ROBO1: variants seen among roughly 807,000 people sequenced by gnomAD.
ROBO1 encodes the protein roundabout homolog 1.
Under a neutral mutation model 195.9 loss-of-function variants are expected in ROBO1, and 149 were observed. The observed-to-expected ratio is 0.76, with a 90% CI of 0.67 to 0.87. The LOEUF is 0.87. Ranked by LOEUF, ROBO1 falls within the 40% of genes least tolerant of loss-of-function variation. ROBO1 has a pLI of 0.00. For synonymous variants in ROBO1, 816 were observed against 733.2 expected, an observed-to-expected ratio of 1.11 and a Z score of -1.82; for missense variants, 1,933 against 2,068.3, an observed-to-expected ratio of 0.93 and a Z score of 1.27.
intron 2 of ROBO1, among the ~76,000 whole-genome samples, chr3:79,128,080 T>A (rs549573998): frequency 6.1e-4 from 93 of 152,286 alleles, no homozygotes; most frequent in Non-Finnish European, 1.0e-3. Context: ...GAGGACTAAT[T>A]TAAGACCAGT....
chr3:78,655,479 A>T (rs932411385), intron 18 of ROBO1, among the ~76,000 whole-genome samples: 1 of 152,162 alleles, frequency 6.6e-6, no homozygotes. Context: ...CATGATAAAG[A>T]GGCTAACCCA....
chr3:79,236,055 C>G (rs2082401328), intron 2 of ROBO1, among the ~76,000 whole-genome samples: 1 of 151,974 alleles, frequency 6.6e-6, no homozygotes, highest in African/African-American at 2.4e-5. Context: ...TTTTTAGACT[C>G]TTTGGTCATT....
chr3:78,917,165 C>A (rs1353777129), intron 4 of ROBO1, among the ~76,000 whole-genome samples: 1 of 134,678 alleles, frequency 7.4e-6, no homozygotes, highest in Non-Finnish European at 1.5e-5. Context: ...GGCACAATCT[C>A]GGCTCATTGC....
intron 4 of ROBO1, 94 bp downstream of exon 4, chr3:78,938,507 T>G: frequency 3.8e-5 from 40 of 1,053,638 alleles, no homozygotes; most frequent in Middle Eastern, 2.4e-4. Flanking sequence ...AGGTAAGGCC[T>G]GAGATACAAA....
At chr3:79,336,373 A>T (rs2034666337) in intron 2 of ROBO1, among the ~76,000 whole-genome samples, 1 of 152,190 alleles carries the variant, frequency 6.6e-6, no homozygotes. Flanking sequence ...TACATGGTGC[A>T]CTGCATCCCA....
At chr3:78,728,270 T>C (rs2082209695) in intron 5 of ROBO1, among the ~76,000 whole-genome samples, 1 of 152,272 alleles carries the variant, frequency 6.6e-6, no homozygotes, top group East Asian at 1.9e-4. Flanking sequence ...TCGAGTCTCT[T>C]GATTAGATAT....
chr3:79,562,433 C>T (rs553053500), intron 2 of ROBO1, among the ~76,000 whole-genome samples: 1 of 151,982 alleles, frequency 6.6e-6, no homozygotes, highest in African/African-American at 2.4e-5. Flanking sequence ...AAATGCTCAT[C>T]ATCACTGGTC....
rs979205869 is a variant in ROBO1, at chr3:79,618,011, C to A, written c.-50-28050G>T. 4.7e-5 allele frequency among the ~76,000 whole-genome samples: 7 copies of A among 150,378 alleles called. No individual in the cohort carries two copies. The East Asian group carries it at 1.4e-3, about 29-fold the overall frequency. On this transcript the variant is annotated intron_variant, in intron 1 of 30. Transcript: ENST00000464233. ...AAGCTTAAAACTAGGTTAGATCAAA[C>A]AGAAGAAAGAATTTAAGAGCCTGAA...
intron 1 of ROBO1, among the ~76,000 whole-genome samples, chr3:79,654,963 A>G (rs1216111582): frequency 6.6e-6 from 1 of 151,898 alleles, no homozygotes; most frequent in Non-Finnish European, 1.5e-5. Flanking sequence ...TTATGGTTCA[A>G]TCCTAAAGTA....
At chr3:78,711,396 TTC>T (rs1323750333) in intron 8 of ROBO1, among the ~76,000 whole-genome samples, 9 of 50,656 alleles carry the variant, frequency 1.8e-4, no homozygotes, top group South Asian at 7.6e-4. Context: ...CCTTCCTTCC[TTC>T]CTTTCTTTCT....
At chr3:78,627,917 C>T (rs536056217) in intron 25 of ROBO1, among the ~76,000 whole-genome samples, 1 of 151,764 alleles carries the variant, frequency 6.6e-6, no homozygotes, top group South Asian at 2.1e-4. Flanking sequence ...TTACAGAGGA[C>T]CTGAAGATGA....
rs545394859 is a variant in ROBO1 at position 79,449,071 on chromosome 3, T to TA, written c.88+140752dup. On this transcript the variant is annotated intron_variant, in intron 2 of 30. Coordinates refer to ENST00000464233, the MANE Select transcript of ROBO1 (RefSeq NM_002941.4). ...TAGGGAGATCCCTGTCTCTACAGAATAAAAAAAACATTAGCCGAGTGTGGT... is the reference window on the plus strand; with the variant it reads ...TAGGGAGATCCCTGTCTCTACAGAATAAAAAAAAACATTAGCCGAGTGTGGT... Among the ~76,000 whole-genome samples, 533 of 151,514 alleles carry TA rather than the reference T, an allele frequency of 3.5e-3. 1 individual carries two copies. Among genetic ancestry groups the TA allele is most frequent in the Non-Finnish European group, 6.5e-3 (438 of 67,854 alleles).
At chr3:79,691,891 T>A (rs1947308083) in intron 1 of ROBO1, among the ~76,000 whole-genome samples, 1 of 151,988 alleles carries the variant, frequency 6.6e-6, no homozygotes, top group African/African-American at 2.4e-5. Context: ...GTTCTTTTGA[T>A]TTCTCATTCA....
chr3:79,570,930 T>C (rs1308477967), intron 2 of ROBO1, among the ~76,000 whole-genome samples: 1 of 152,158 alleles, frequency 6.6e-6, no homozygotes, highest in African/African-American at 2.4e-5. Context: ...TGAGTGATCA[T>C]GTTAGCAACA....
intron 4 of ROBO1, among the ~76,000 whole-genome samples, chr3:78,769,721 T>G (rs542977542): frequency 6.6e-6 from 1 of 152,078 alleles, no homozygotes; most frequent in African/African-American, 2.4e-5. Context: ...TTTCCAGGAT[T>G]TGTTTCAAGA....
chr3:78,724,728 A>C (rs2082124379), intron 5 of ROBO1, among the ~76,000 whole-genome samples: 1 of 152,218 alleles, frequency 6.6e-6, no homozygotes, highest in South Asian at 2.1e-4. Context: ...GTTGAGTCAT[A>C]TAAAAATACT....
intron 2 of ROBO1, among the ~76,000 whole-genome samples, chr3:79,278,390 A>G (rs1019184689): frequency 6.6e-6 from 1 of 152,000 alleles, no homozygotes; most frequent in African/African-American, 2.4e-5. Context: ...ACAAACAAAC[A>G]AACAAACAAA....
chr3:79,244,049 G>A (rs1253452610), intron 2 of ROBO1, among the ~76,000 whole-genome samples: 2 of 151,984 alleles, frequency 1.3e-5, no homozygotes, highest in African/African-American at 2.4e-5. Flanking sequence ...TTCTGCATAT[G>A]GCTAACCCTC....
Position 79,744,191 on chromosome 3 carries a change from C to T in ROBO1, c.-51+23561G>A, listed in dbSNP as rs544950458. 3.3e-5 allele frequency among the ~76,000 whole-genome samples: 5 copies of T among 151,948 alleles called. No individual in the cohort carries two copies. The East Asian group carries it at 5.8e-4, about 18-fold the overall frequency. On this transcript the variant is annotated intron_variant, in intron 1 of 30. Transcript: ENST00000464233. ...TTACAATGGCTATAACTTCATTAAG[C>T]GATAGTTATTTTTTAGCTTCATTAT...
Sources: allele counts gnomAD v4.1 joint callset (sites outside exome capture counted in the v4.1 genomes callset), GRCh38; gene constraint gnomAD v4.1.1; transcripts MANE v1.5; gene names NCBI Gene and HGNC (gene_info 2026-07-23, HGNC 2026-07-21).